Variants in COL4A5 observed in about 807,000 individuals in gnomAD.
COL4A5 encodes the protein collagen type IV alpha 5 chain.
Under a neutral mutation model 130.2 loss-of-function variants are expected in COL4A5, and 26 were observed. The observed-to-expected ratio is 0.20, with a 90% CI of 0.15 to 0.28. The LOEUF (loss-of-function observed/expected upper bound fraction) is 0.28. Among genes scored for constraint, COL4A5 ranks in the 10% least tolerant of loss-of-function variants. The probability of loss-of-function intolerance (pLI) is 1.00; values close to 1 mark genes in which losing one functional copy is unlikely to be tolerated. For missense variants in COL4A5, 1,131 were observed against 1,344.3 expected (o/e 0.84, Z 2.48); for synonymous variants, 496 against 439.6 (o/e 1.13, Z -1.60).
intron 45 of COL4A5, 55 bp from the exon 46 acceptor site, chrX:108,680,830 G>A: frequency 8.4e-7 from 1 of 1,186,976 alleles, no homozygotes; most frequent in Non-Finnish European, 1.1e-6. Flanking sequence ...ATTTGACTGG[G>A]TAAAGGTTGT....
chrX:108,484,456 C>T (rs1181143573), intron 1 of COL4A5, among the ~76,000 whole-genome samples: 1 of 112,092 alleles, frequency 8.9e-6, no homozygotes, highest in Non-Finnish European at 1.9e-5. Flanking sequence ...CTTGGGAAGG[C>T]TTTCCAGGTA....
chrX:108,466,770 CT>C (rs60506758), intron 1 of COL4A5, among the ~76,000 whole-genome samples: 10,830 of 102,261 alleles, frequency 0.11, 1,161 homozygotes, highest in African/African-American at 0.32. Context: ...GCCAAGGTGG[CT>C]TTTTTTTTTT....
At chrX:108,441,622 A>G (rs771014639) in intron 1 of COL4A5, among the ~76,000 whole-genome samples, 1 of 112,346 alleles carries the variant, frequency 8.9e-6, no homozygotes, top group South Asian at 3.8e-4. Flanking sequence ...TGCTTTTTTG[A>G]TGCAGAGCAT....
At chrX:108,564,440 C>T (rs374099637) in intron 4 of COL4A5, among the ~76,000 whole-genome samples, 1 of 111,905 alleles carries the variant, frequency 8.9e-6, no homozygotes, top group South Asian at 3.7e-4. Context: ...TCAAATCTAA[C>T]GTGCATGACT....
rs190273181 is a variant in COL4A5 at position 108,598,254 on chromosome X, A to G, written c.1780-448A>G. 2.7e-5 allele frequency among the ~76,000 whole-genome samples: 3 copies of G among 111,813 alleles called. No individual in the cohort carries two copies. The Admixed American group carries it at 2.8e-4, about 11-fold the overall frequency. On this transcript the variant is annotated intron_variant, in intron 24 of 52. Coordinates refer to ENST00000328300, the MANE Select transcript of COL4A5 (RefSeq NM_033380.3). ...AACCAGCAGTTTAACTTGTTTCTATATATATAGTAAGCTTAGAGAATAGTA... is the reference window on the plus strand; with the variant it reads ...AACCAGCAGTTTAACTTGTTTCTATGTATATAGTAAGCTTAGAGAATAGTA...
At chrX:108,492,924 G>A (rs2065005408) in intron 1 of COL4A5, among the ~76,000 whole-genome samples, 1 of 110,670 alleles carries the variant, frequency 9.0e-6, no homozygotes, top group Non-Finnish European at 1.9e-5. Flanking sequence ...TTCCCAAATA[G>A]TACCTGGATC....
At position 108,460,632 on chromosome X, in the gene COL4A5, G is replaced by C. The variant is rs370636589; in HGVS notation, c.81+20426G>C. The stretch of plus-strand genomic sequence containing the variant: ...AGCCTCCTGAGTAGATGGGATTACA[G>C]ATGCCTGCCACCACGCCTGGCAAAT... On this transcript the variant is annotated intron_variant, in intron 1 of 52. Transcript: ENST00000328300. 5.3e-4 allele frequency among the ~76,000 whole-genome samples: 52 copies of C among 97,582 alleles called. 1 individual carries two copies. Among genetic ancestry groups the C allele is most frequent in the African/African-American group, 1.8e-3 (49 of 26,534 alleles). 84.7% of individuals were successfully genotyped at this position (97,582 alleles called of 115,157 possible).
chrX:108,578,970 G>A (rs1336526044), intron 13 of COL4A5, among the ~76,000 whole-genome samples: 1 of 111,506 alleles, frequency 9.0e-6, no homozygotes, highest in Non-Finnish European at 1.9e-5. Flanking sequence ...AAGCCACCAT[G>A]CCTGGCCAAG....
chrX:108,563,219 A>G (rs1446804468), intron 3 of COL4A5, among the ~76,000 whole-genome samples: 3 of 111,308 alleles, frequency 2.7e-5, no homozygotes, highest in South Asian at 3.7e-4. Flanking sequence ...TTTTAATTCT[A>G]TTTTTTTAAA....
chrX:108,562,496 C>T (rs1407237198), intron 3 of COL4A5, among the ~76,000 whole-genome samples: 2 of 111,970 alleles, frequency 1.8e-5, no homozygotes, highest in East Asian at 5.6e-4. Flanking sequence ...TCTACAATAA[C>T]ATGATCATTT....
chrX:108,603,210 A>G, intron 28 of COL4A5, 149 bp downstream of exon 28: 1 of 385,742 alleles, frequency 2.6e-6, no homozygotes, highest in Non-Finnish European at 4.6e-6. Flanking sequence ...CATTAAAAAA[A>G]TATTTAACCC....
intron 1 of COL4A5, among the ~76,000 whole-genome samples, chrX:108,481,278 C>A (rs1195594300): frequency 9.0e-6 from 1 of 111,066 alleles, no homozygotes; most frequent in Non-Finnish European, 1.9e-5. Context: ...TGCATAGTTA[C>A]CATGGTAAAA....
In COL4A5 at chrX:108,668,545, C is replaced by T. The variant is rs2068133986; in HGVS notation, c.3790+41C>T. 2.9e-6 allele frequency: 3 copies of T among 1,028,498 alleles called. No individual in the cohort carries two copies. In the South Asian group the frequency reaches 9.2e-5, roughly 32 times the overall value. 84.8% of individuals were successfully genotyped at this position (1,028,498 alleles called of 1,213,427 possible). On this transcript the variant is annotated intron_variant, in intron 41 of 52. Transcript: ENST00000328300. ...GTAGGAGAATGGTCTATTTATTAGT[C>T]CATGTATTTCGTTTTGCTGGCAGGT... is the stretch of plus-strand genomic sequence containing the variant.
chrX:108,616,864 A>G (rs1269500746), intron 30 of COL4A5, among the ~76,000 whole-genome samples: 1 of 109,286 alleles, frequency 9.2e-6, no homozygotes, highest in Admixed American at 9.9e-5. Context: ...AAATATATAG[A>G]TATAAATATA....
At chrX:108,603,210 AT>A (rs2066669135) in intron 28 of COL4A5, 149 bp downstream of exon 28, 2 of 385,742 alleles carry the variant, frequency 5.2e-6, no homozygotes, top group Admixed American at 4.6e-5. Context: ...CATTAAAAAA[AT>A]ATTTAACCCC....
intron 36 of COL4A5, among the ~76,000 whole-genome samples, chrX:108,647,755 C>A (rs1243766482): frequency 8.9e-6 from 1 of 111,761 alleles, no homozygotes; most frequent in Non-Finnish European, 1.9e-5. Flanking sequence ...AGATACATCC[C>A]ATCAATACCT....
intron 29 of COL4A5, among the ~76,000 whole-genome samples, chrX:108,609,947 T>C (rs942894911): frequency 9.2e-6 from 1 of 108,885 alleles, no homozygotes; most frequent in Non-Finnish European, 1.9e-5. Flanking sequence ...AGTCAGGTAA[T>C]GTAACCCACC....
rs73528358 is a variant in COL4A5, at chrX:108,626,838, C to G, written c.3246+489C>G. ...ATGTGAAAACTTTGGTGGTGTTTCT[C>G]AAGTAATCAAATTTAGAATTTGTTT... On this transcript the variant is annotated intron_variant, in intron 36 of 52. Transcript: ENST00000328300. The G allele has an allele frequency of 0.023, 17,935 of 770,356 alleles. 1,959 individuals are homozygous for G. In the African/African-American group the frequency reaches 0.34, roughly 15 times the overall value. 63.5% of individuals were successfully genotyped at this position (770,356 alleles called of 1,213,427 possible). A position where few individuals can be genotyped will look rare whatever the true frequency, so the allele number is the denominator to read the frequency against.
chrX:108,679,845 C>T (rs2068389815), intron 44 of COL4A5, among the ~76,000 whole-genome samples: 1 of 111,847 alleles, frequency 8.9e-6, no homozygotes, highest in Admixed American at 9.5e-5. Flanking sequence ...AGTTACCTTT[C>T]ATTAAGTACA....
Sources: allele counts gnomAD v4.1 joint callset (sites outside exome capture counted in the v4.1 genomes callset), GRCh38; gene constraint gnomAD v4.1.1; transcripts MANE v1.5; gene names NCBI Gene and HGNC (gene_info 2026-07-23, HGNC 2026-07-21).